NXPH1: variants seen among roughly 807,000 people sequenced by gnomAD.
The protein encoded by NXPH1 is neurexophilin-1.
Under a neutral mutation model 23.7 loss-of-function variants are expected in NXPH1, and 5 were observed. The observed-to-expected ratio is 0.21, with a 90% CI of 0.11 to 0.44. NXPH1 has a LOEUF of 0.44. NXPH1 is among the 20% of genes least tolerant of loss of function. The pLI is 0.99. For missense variants in NXPH1, 324 were observed against 321.6 expected (o/e 1.01, Z -0.06); for synonymous variants, 144 against 122.2 (o/e 1.18, Z -1.18).
In NXPH1 at chr7:8,442,045, C is replaced by T. The variant is rs1024931352; in HGVS notation, c.54+6278C>T. Among the ~76,000 whole-genome samples, 2 of 152,050 alleles carry T rather than the reference C, an allele frequency of 1.3e-5. No homozygotes were observed. Among genetic ancestry groups the T allele is most frequent in the African/African-American group, 2.4e-5 (1 of 41,390 alleles). On this transcript the variant is annotated intron_variant, in intron 2 of 2. Coordinates refer to ENST00000405863, the MANE Select transcript of NXPH1 (RefSeq NM_152745.3). This position sits in a 1 kb window ranked among gnomAD's most constrained non-coding sequence, Gnocchi z 4.6. ...GTGGAAAGCGAGATGGCGTTGGGAGCCAGGGCGTTGGGACGGCACAAGCAG... is the reference window on the plus strand; with the variant it reads ...GTGGAAAGCGAGATGGCGTTGGGAGTCAGGGCGTTGGGACGGCACAAGCAG...
intron 2 of NXPH1, among the ~76,000 whole-genome samples, chr7:8,681,111 C>T (rs1452291296): frequency 6.6e-6 from 1 of 152,182 alleles, no homozygotes. Flanking sequence ...TGGCCAGCCC[C>T]TTTATGTTAC....
chr7:8,529,146 C>T (rs993168839), intron 2 of NXPH1, among the ~76,000 whole-genome samples: 2 of 152,240 alleles, frequency 1.3e-5, no homozygotes, highest in African/African-American at 4.8e-5. Context: ...TCTGATGTTC[C>T]TCTCTGTCAC....
intron 2 of NXPH1, among the ~76,000 whole-genome samples, chr7:8,550,414 C>T (rs901677186): frequency 2.0e-5 from 3 of 151,528 alleles, no homozygotes; most frequent in Non-Finnish European, 3.0e-5. Context: ...ACTATTCAAC[C>T]CTTGGGTTCC....
intron 2 of NXPH1, among the ~76,000 whole-genome samples, chr7:8,452,985 A>G (rs1563314402): frequency 1.3e-5 from 2 of 152,152 alleles, no homozygotes; most frequent in Non-Finnish European, 2.9e-5. Context: ...TCATCAGAAC[A>G]TGTACCCCAG....
At chr7:8,482,485 A>G (rs1231969989) in intron 2 of NXPH1, among the ~76,000 whole-genome samples, 1 of 152,198 alleles carries the variant, frequency 6.6e-6, no homozygotes, top group Non-Finnish European at 1.5e-5. Flanking sequence ...TTAAACTGAC[A>G]GATTTGTGGC....
intron 2 of NXPH1, among the ~76,000 whole-genome samples, chr7:8,511,887 T>C (rs1817617770): frequency 6.6e-6 from 1 of 152,136 alleles, no homozygotes; most frequent in Non-Finnish European, 1.5e-5. Flanking sequence ...TATTTTCTTT[T>C]ATCAAGGTTG....
chr7:8,455,040 T>C (rs1225311819), intron 2 of NXPH1, among the ~76,000 whole-genome samples: 1 of 152,192 alleles, frequency 6.6e-6, no homozygotes, highest in East Asian at 1.9e-4. Context: ...TGTGTAGCCA[T>C]TAACAGTAGA....
intron 2 of NXPH1, among the ~76,000 whole-genome samples, chr7:8,485,204 A>C (rs1351210012): frequency 6.6e-6 from 1 of 152,154 alleles, no homozygotes; most frequent in African/African-American, 2.4e-5. Flanking sequence ...ATGGTTTTAT[A>C]AAAGGGCAGT....
At chr7:8,598,138 T>C (rs1819268114) in intron 2 of NXPH1, among the ~76,000 whole-genome samples, 1 of 152,146 alleles carries the variant, frequency 6.6e-6, no homozygotes, top group Admixed American at 6.6e-5. Context: ...CCTCTCCATC[T>C]TTATTGCTAT....
chr7:8,738,468 G>T (rs1164894840), intron 2 of NXPH1, among the ~76,000 whole-genome samples: 1 of 152,204 alleles, frequency 6.6e-6, no homozygotes, highest in African/African-American at 2.4e-5. Flanking sequence ...GAACAGCAAA[G>T]ATTGCTGCCT....
At chr7:8,487,578 C>T (rs1437187700) in intron 2 of NXPH1, among the ~76,000 whole-genome samples, 5 of 152,098 alleles carry the variant, frequency 3.3e-5, no homozygotes, top group Non-Finnish European at 1.5e-5. Flanking sequence ...CTTGTCCTTC[C>T]ATTTTATCAC....
At chr7:8,683,417 A>G (rs1344225113) in intron 2 of NXPH1, among the ~76,000 whole-genome samples, 4 of 152,278 alleles carry the variant, frequency 2.6e-5, no homozygotes, top group South Asian at 2.1e-4. Flanking sequence ...GAGTGGGGCT[A>G]TATCTCCAAA....
intron 2 of NXPH1, among the ~76,000 whole-genome samples, chr7:8,520,547 CA>C (rs1360050915): frequency 2.0e-5 from 3 of 152,140 alleles, no homozygotes; most frequent in Non-Finnish European, 2.9e-5. Context: ...CTTATTGATC[CA>C]TTTCCCCCCA....
At chr7:8,438,501 A>T (rs1214586685) in intron 2 of NXPH1, among the ~76,000 whole-genome samples, 1 of 152,266 alleles carries the variant, frequency 6.6e-6, no homozygotes. Context: ...AAGTGCCTGC[A>T]TCACTCTGTT....
intron 2 of NXPH1, among the ~76,000 whole-genome samples, chr7:8,608,735 A>C (rs1212542890): frequency 6.6e-6 from 1 of 152,110 alleles, no homozygotes; most frequent in Non-Finnish European, 1.5e-5. Flanking sequence ...CACAAACTTC[A>C]CTTAAAATAA....
chr7:8,670,213 C>T (rs1820845974), intron 2 of NXPH1, among the ~76,000 whole-genome samples: 1 of 152,154 alleles, frequency 6.6e-6, no homozygotes, highest in Non-Finnish European at 1.5e-5. Context: ...TATTCCTCTC[C>T]CTCTCCTAAA....
chr7:8,711,072 C>T (rs1779787289), intron 2 of NXPH1, among the ~76,000 whole-genome samples: 1 of 152,146 alleles, frequency 6.6e-6, no homozygotes, highest in South Asian at 2.1e-4. Flanking sequence ...TTAGATATGG[C>T]AACATAACTT....
At chr7:8,672,264 G>T (rs1820880991) in intron 2 of NXPH1, among the ~76,000 whole-genome samples, 1 of 152,088 alleles carries the variant, frequency 6.6e-6, no homozygotes, top group Non-Finnish European at 1.5e-5. Context: ...ACTCATAGAT[G>T]GGAATTGAAC....
At chr7:8,654,017 G>A (rs986928646) in intron 2 of NXPH1, among the ~76,000 whole-genome samples, 1 of 152,126 alleles carries the variant, frequency 6.6e-6, no homozygotes, top group Non-Finnish European at 1.5e-5. Context: ...GGCTTTCATT[G>A]TAGTTTTGCC....
Sources: gnomAD v4.1 joint callset for allele counts (sites outside exome capture counted in the v4.1 genomes callset) on GRCh38, gnomAD v4.1.1 for gene constraint, Gnocchi (gnomAD v3.1) non-coding constraint, MANE v1.5 for transcripts, NCBI Gene and HGNC (gene_info 2026-07-23, HGNC 2026-07-21) for gene names.